The following PCDH9 variants were observed in gnomAD, a reference collection of about 807,000 sequenced individuals.
PCDH9 encodes the protein protocadherin 9, also known as protocadherin-9.
In PCDH9, 24 loss-of-function variants were observed where a neutral mutation model predicts 70.6. That is an observed-to-expected ratio of 0.34 (90% CI 0.25 to 0.48). PCDH9 has a LOEUF of 0.48. PCDH9 is among the 20% of genes least tolerant of loss of function. The pLI is 0.99. For missense variants in PCDH9, 1,281 were observed against 1,503.6 expected (o/e 0.85, Z 2.45); for synonymous variants, 562 against 558.5 (o/e 1.01, Z -0.09).
At chr13:67,064,224 G>C (rs1246648154) in intron 2 of PCDH9, among the ~76,000 whole-genome samples, 1 of 152,078 alleles carries the variant, frequency 6.6e-6, no homozygotes, top group Non-Finnish European at 1.5e-5. Context: ...TACAACTGTA[G>C]CTTGTAACTA....
chr13:67,003,958 T>C (rs926294214), intron 2 of PCDH9, among the ~76,000 whole-genome samples: 6 of 152,060 alleles, frequency 3.9e-5, no homozygotes, highest in African/African-American at 1.2e-4. Flanking sequence ...GCAGGGGAAA[T>C]GTAACAGACC....
intron 4 of PCDH9, among the ~76,000 whole-genome samples, chr13:66,517,790 T>C (rs4884677): frequency 0.57 from 86,584 of 151,964 alleles, 25,018 homozygotes; most frequent in East Asian, 0.66. Context: ...TTGATTTTTT[T>C]CCTCTTAATG....
chr13:66,399,997 A>T (rs575745521), intron 4 of PCDH9, among the ~76,000 whole-genome samples: 7 of 152,270 alleles, frequency 4.6e-5, no homozygotes, highest in African/African-American at 1.7e-4. Context: ...TCCAGGCTTC[A>T]TGAAGCAAAG....
At chr13:66,385,127 C>G (rs966728002) in intron 4 of PCDH9, among the ~76,000 whole-genome samples, 4 of 152,038 alleles carry the variant, frequency 2.6e-5, no homozygotes, top group African/African-American at 9.7e-5. Context: ...CTTTCTCTCT[C>G]TGGATTATTT....
intron 4 of PCDH9, among the ~76,000 whole-genome samples, chr13:66,406,904 TAA>T (rs748950267): frequency 4.6e-5 from 7 of 152,158 alleles, no homozygotes; most frequent in Non-Finnish European, 7.4e-5. Flanking sequence ...CAAATACATA[TAA>T]GAGGTTTTTT....
intron 2 of PCDH9, among the ~76,000 whole-genome samples, chr13:67,175,992 C>T (rs1028461301): frequency 6.6e-6 from 1 of 151,068 alleles, no homozygotes; most frequent in Non-Finnish European, 1.5e-5. Context: ...AAGATGTTTC[C>T]AGCTGATGTG....
chr13:66,379,532 T>C (rs1956806152), intron 4 of PCDH9, among the ~76,000 whole-genome samples: 1 of 152,206 alleles, frequency 6.6e-6, no homozygotes, highest in Admixed American at 6.5e-5. Flanking sequence ...CATGACAGTT[T>C]CTTTGTATGA....
At chr13:66,847,206 C>A (rs184760154) in intron 3 of PCDH9, among the ~76,000 whole-genome samples, 246 of 152,226 alleles carry the variant, frequency 1.6e-3, no homozygotes, top group Non-Finnish European at 3.0e-3. Context: ...GTAAAGCATT[C>A]AAGTTGTTTC....
At chr13:66,690,414 A>G (rs928228728) in intron 3 of PCDH9, among the ~76,000 whole-genome samples, 7 of 152,136 alleles carry the variant, frequency 4.6e-5, no homozygotes, top group African/African-American at 1.4e-4. Flanking sequence ...TTGTTCTTCA[A>G]ACAAATACAA....
At chr13:66,667,591 T>C (rs981338197) in intron 3 of PCDH9, among the ~76,000 whole-genome samples, 6 of 152,166 alleles carry the variant, frequency 3.9e-5, no homozygotes, top group Non-Finnish European at 8.8e-5. Context: ...TTTTATTACT[T>C]AGTAGCTTTT....
chr13:66,937,766 T>C (rs1481983886), intron 2 of PCDH9, among the ~76,000 whole-genome samples: 1 of 152,116 alleles, frequency 6.6e-6, no homozygotes, highest in East Asian at 1.9e-4. Flanking sequence ...CACCGAGCTG[T>C]AACCAATCTC....
intron 4 of PCDH9, among the ~76,000 whole-genome samples, chr13:66,515,539 TATAC>T (rs1217760631): frequency 6.6e-6 from 1 of 151,990 alleles, no homozygotes; most frequent in Non-Finnish European, 1.5e-5. Flanking sequence ...ATTTAGAAAT[TATAC>T]TCCTGGGCAG....
intron 3 of PCDH9, among the ~76,000 whole-genome samples, chr13:66,769,725 A>G (rs1482819180): frequency 6.6e-6 from 1 of 152,190 alleles, no homozygotes; most frequent in Non-Finnish European, 1.5e-5. Flanking sequence ...CTGGCTTTCA[A>G]TTACATGATT....
chr13:66,459,583 C>T (rs1216534812), intron 4 of PCDH9, among the ~76,000 whole-genome samples: 3 of 151,610 alleles, frequency 2.0e-5, no homozygotes, highest in African/African-American at 7.3e-5. Flanking sequence ...ATGACAACTA[C>T]AAAAATTTTA....
intron 3 of PCDH9, among the ~76,000 whole-genome samples, chr13:66,772,835 T>A (rs541503264): frequency 7.9e-5 from 12 of 152,192 alleles, no homozygotes; most frequent in African/African-American, 2.9e-4. Context: ...TCAATATTTA[T>A]ATTTGGCATA....
chr13:67,216,012 T>C (rs2089592021), intron 2 of PCDH9: 1 of 152,172 alleles, frequency 6.6e-6, no homozygotes. Context: ...ACCAGGGCCA[T>C]GTGAGGAACA....
intron 3 of PCDH9, among the ~76,000 whole-genome samples, chr13:66,679,922 A>C (rs1419075703): frequency 6.6e-6 from 1 of 152,012 alleles, no homozygotes; most frequent in Non-Finnish European, 1.5e-5. Context: ...CATGGGAGAA[A>C]TAATCAAATT....
At chr13:66,625,041 CATT>C (rs200631464) in intron 4 of PCDH9, among the ~76,000 whole-genome samples, 5 of 152,016 alleles carry the variant, frequency 3.3e-5, no homozygotes, top group East Asian at 2.0e-4. Context: ...AATGTATTCC[CATT>C]ATTATTATTA....
At chr13:66,993,840 T>C (rs919333279) in intron 2 of PCDH9, among the ~76,000 whole-genome samples, 1 of 152,148 alleles carries the variant, frequency 6.6e-6, no homozygotes, top group Non-Finnish European at 1.5e-5. Context: ...CTTTAGTGGC[T>C]AGAGGGAAAT....
Sources: gnomAD v4.1 joint callset for allele counts (sites outside exome capture counted in the v4.1 genomes callset) on GRCh38, gnomAD v4.1.1 for gene constraint, MANE v1.5 for transcripts, NCBI Gene and HGNC (gene_info 2026-07-23, HGNC 2026-07-21) for gene names.